Variants in CDH13 observed in about 807,000 individuals in gnomAD.
CDH13 encodes the protein cadherin 13.
A neutral mutation model predicts 63.8 loss-of-function variants in CDH13; 24 were observed. The ratio of observed to expected loss-of-function variants is 0.38; its 90% CI spans 0.27 to 0.53. The LOEUF is 0.53. CDH13 is among the 20% of genes least tolerant of loss of function. The pLI, the probability that CDH13 is intolerant of heterozygous loss-of-function variation, is 0.85. For synonymous variants in CDH13, 503 were observed against 355.3 expected (o/e 1.42, Z -4.67); for missense variants, 1,049 against 903.1 (o/e 1.16, Z -2.07).
intron 2 of CDH13, among the ~76,000 whole-genome samples, chr16:82,879,149 T>G (rs2040606500): frequency 6.6e-6 from 1 of 152,206 alleles, no homozygotes; most frequent in African/African-American, 2.4e-5. Flanking sequence ...ATCACAGCTC[T>G]GGTCCTCATA....
chr16:83,492,018 G>T (rs1336451534), intron 7 of CDH13, among the ~76,000 whole-genome samples: 2 of 152,180 alleles, frequency 1.3e-5, no homozygotes, highest in African/African-American at 2.4e-5. Context: ...ACTGAAGAAT[G>T]TTAGGGAGAA....
At chr16:83,040,626 C>A (rs755041706) in intron 3 of CDH13, among the ~76,000 whole-genome samples, 16 of 152,138 alleles carry the variant, frequency 1.1e-4, no homozygotes, top group Non-Finnish European at 2.1e-4. Context: ...TAGTTGATGC[C>A]CACCCAGACT....
chr16:83,387,186 G>A (rs935704716), intron 6 of CDH13, among the ~76,000 whole-genome samples: 3 of 152,154 alleles, frequency 2.0e-5, no homozygotes, highest in African/African-American at 7.2e-5. Context: ...TGAGAAGGAG[G>A]AGGAGGAGGC....
intron 6 of CDH13, among the ~76,000 whole-genome samples, chr16:83,426,903 C>CTT (rs2071921854): frequency 1.4e-5 from 1 of 73,966 alleles, no homozygotes; most frequent in Admixed American, 1.4e-4. Context: ...AAATATGTTT[C>CTT]TTTCTTTTTT....
At chr16:83,481,524 C>T (rs1041086352) in intron 6 of CDH13, among the ~76,000 whole-genome samples, 2 of 152,184 alleles carry the variant, frequency 1.3e-5, no homozygotes, top group African/African-American at 4.8e-5. Context: ...CCAGGCGGCA[C>T]TTGCTTTAAT....
intron 5 of CDH13, among the ~76,000 whole-genome samples, chr16:83,280,307 G>C (rs1582596): frequency 6.6e-6 from 1 of 152,176 alleles, no homozygotes. Context: ...GTTCATAGTA[G>C]CTTTACCAGG....
chr16:83,328,843 A>G (rs1202288186), intron 5 of CDH13, among the ~76,000 whole-genome samples: 2 of 152,098 alleles, frequency 1.3e-5, no homozygotes, highest in Non-Finnish European at 2.9e-5. Context: ...ATGCTTAAGA[A>G]AAAAAAATGT....
At chr16:83,768,723 T>C (rs1423437054) in intron 11 of CDH13, among the ~76,000 whole-genome samples, 1 of 152,172 alleles carries the variant, frequency 6.6e-6, no homozygotes, top group East Asian at 1.9e-4. Context: ...ATAGGGTAAC[T>C]TCCTGATGTT....
At chr16:83,427,684 A>G (rs781118323) in intron 6 of CDH13, among the ~76,000 whole-genome samples, 2 of 151,550 alleles carry the variant, frequency 1.3e-5, no homozygotes, top group African/African-American at 2.4e-5. Context: ...TGCCTTCAGG[A>G]TTCTCCTCCA....
chr16:83,753,894 T>C (rs366929), intron 11 of CDH13, among the ~76,000 whole-genome samples: 10 of 151,326 alleles, frequency 6.6e-5, no homozygotes, highest in Admixed American at 6.6e-5. Context: ...TGCAGAAGCA[T>C]TGACAACTAG....
At chr16:83,253,720 G>T (rs903069527) in intron 5 of CDH13, among the ~76,000 whole-genome samples, 2 of 152,174 alleles carry the variant, frequency 1.3e-5, no homozygotes, top group African/African-American at 2.4e-5. Context: ...CTTAGACAGG[G>T]GCTGGCACTG....
At chr16:82,866,160 T>C (rs1428660649) in intron 2 of CDH13, among the ~76,000 whole-genome samples, 1 of 152,074 alleles carries the variant, frequency 6.6e-6, no homozygotes, top group African/African-American at 2.4e-5. Flanking sequence ...TACATATTAC[T>C]ATCAGCATTT....
At chr16:82,847,639 A>G (rs1254497017) in intron 1 of CDH13, among the ~76,000 whole-genome samples, 1 of 152,202 alleles carries the variant, frequency 6.6e-6, no homozygotes, top group Non-Finnish European at 1.5e-5. Flanking sequence ...ACCCTTTGCC[A>G]TGTAATCTAA....
intron 7 of CDH13, among the ~76,000 whole-genome samples, chr16:83,602,050 G>A (rs551827585): frequency 9.1e-4 from 113 of 124,744 alleles, no homozygotes; most frequent in African/African-American, 3.2e-3. Context: ...CCGAGATTGC[G>A]CCACTGTACT....
intron 1 of CDH13, among the ~76,000 whole-genome samples, chr16:82,642,426 T>C (rs961853704): frequency 8.5e-5 from 13 of 152,218 alleles, no homozygotes; most frequent in Admixed American, 6.5e-5. Flanking sequence ...GTACAGGGCA[T>C]AATAAAGAAT....
intron 1 of CDH13, among the ~76,000 whole-genome samples, chr16:82,799,770 C>T (rs1459312279): frequency 2.0e-5 from 3 of 151,882 alleles, no homozygotes; most frequent in Non-Finnish European, 4.4e-5. Context: ...AACAATGTGG[C>T]TATGGAATTT....
chr16:82,903,641 G>C (rs2041544138), intron 2 of CDH13, among the ~76,000 whole-genome samples: 1 of 152,012 alleles, frequency 6.6e-6, no homozygotes, highest in Admixed American at 6.5e-5. Flanking sequence ...TAATTGCCGT[G>C]GAAACTTTCT....
chr16:82,730,026 G>T (rs778977496), intron 1 of CDH13, among the ~76,000 whole-genome samples: 2 of 152,126 alleles, frequency 1.3e-5, no homozygotes, highest in Non-Finnish European at 2.9e-5. Flanking sequence ...GAGTGTTAGG[G>T]CTGTGGATTA....
At chr16:83,031,600 T>A (rs754846148) in intron 2 of CDH13, among the ~76,000 whole-genome samples, 1 of 151,948 alleles carries the variant, frequency 6.6e-6, no homozygotes, top group African/African-American at 2.4e-5. Flanking sequence ...CTCCTACTTA[T>A]CTTCAATACC....
Sources: allele counts gnomAD v4.1 joint callset (sites outside exome capture counted in the v4.1 genomes callset), GRCh38; gene constraint gnomAD v4.1.1; transcripts MANE v1.5; gene names NCBI Gene and HGNC (gene_info 2026-07-23, HGNC 2026-07-21).